ABCA1: variants seen among roughly 807,000 people sequenced by gnomAD.
ABCA1 encodes the protein phospholipid-transporting ATPase ABCA1.
Under a neutral mutation model 262.5 loss-of-function variants are expected in ABCA1, and 133 were observed. The observed-to-expected ratio is 0.51, with a 90% CI of 0.44 to 0.59. ABCA1 has a LOEUF of 0.59. Ranked by LOEUF, ABCA1 falls within the 20% of genes least tolerant of loss-of-function variation. The pLI, the probability that ABCA1 is intolerant of heterozygous loss-of-function variation, is 0.00. For missense variants in ABCA1, 2,452 were observed against 2,777.5 expected (o/e 0.88, Z 2.63); for synonymous variants, 1,022 against 1,043.5 (o/e 0.98, Z 0.40).
chr9:104,838,341 G>A (rs1478197926), intron 9 of ABCA1, among the ~76,000 whole-genome samples: 3 of 150,726 alleles, frequency 2.0e-5, no homozygotes, highest in Non-Finnish European at 4.4e-5. Flanking sequence ...AGGGCGCAGT[G>A]GTTCACGCCT....
intron 7 of ABCA1, among the ~76,000 whole-genome samples, chr9:104,848,271 G>A (rs1835067837): frequency 6.6e-6 from 1 of 152,158 alleles, no homozygotes; most frequent in African/African-American, 2.4e-5. Flanking sequence ...CACTAACACT[G>A]TGAGGTTTGG....
intron 43 of ABCA1, among the ~76,000 whole-genome samples, chr9:104,791,574 G>A (rs770542754): frequency 3.3e-5 from 5 of 152,104 alleles, no homozygotes; most frequent in Non-Finnish European, 5.9e-5. Context: ...CTACAGGAAT[G>A]CACTACTATG....
At chr9:104,913,998 G>A (rs372681027) in intron 1 of ABCA1, among the ~76,000 whole-genome samples, 22 of 151,412 alleles carry the variant, frequency 1.5e-4, no homozygotes, top group Non-Finnish European at 2.2e-4. Context: ...ACGGGGTTTC[G>A]CCGTGTTAGC....
chr9:104,784,934 A>G (rs10820732), intron 49 of ABCA1, among the ~76,000 whole-genome samples: 35,001 of 151,908 alleles, frequency 0.23, 4,220 homozygotes, highest in South Asian at 0.32. Context: ...ATGAGCCACC[A>G]CGCCCGGCCA....
At position 104,790,912 on chromosome 9, in the gene ABCA1, C is replaced by T. The variant is rs747058089; in HGVS notation, c.5927+10G>A. ...CTTTGCAGCAAAATACAAGCCACTT[C>T]TTTTCTCACCTATTTTTGTTAAGGA... On this transcript the variant is annotated intron_variant, in intron 44 of 49. Transcript: ENST00000374736. 1 of 1,579,498 alleles carries T rather than the reference C, an allele frequency of 6.3e-7. No individual in the cohort carries two copies. The highest frequency in any genetic ancestry group is 8.7e-7 in the Non-Finnish European group (1 of 1,148,642).
At chr9:104,926,963 G>C (rs1342810225) in intron 1 of ABCA1, among the ~76,000 whole-genome samples, 1 of 151,914 alleles carries the variant, frequency 6.6e-6, no homozygotes, top group Non-Finnish European at 1.5e-5. Context: ...TATAATCCCA[G>C]CACTTGGGGA....
intron 1 of ABCA1, among the ~76,000 whole-genome samples, chr9:104,914,053 C>G (rs906210781): frequency 6.6e-6 from 1 of 151,880 alleles, no homozygotes; most frequent in African/African-American, 2.4e-5. Context: ...CCCGCCTCAG[C>G]CTCCCAAAGT....
At chr9:104,819,193 G>A (rs148406090) in intron 22 of ABCA1, among the ~76,000 whole-genome samples, 2 of 152,068 alleles carry the variant, frequency 1.3e-5, no homozygotes, top group Admixed American at 6.5e-5. Context: ...TATTATTATC[G>A]GCAAAGAAGG....
At chr9:104,915,327 A>C (rs1240462907) in intron 1 of ABCA1, among the ~76,000 whole-genome samples, 1 of 152,194 alleles carries the variant, frequency 6.6e-6, no homozygotes, top group Non-Finnish European at 1.5e-5. Context: ...CAATTTAATC[A>C]AAGTTCCAGG....
chr9:104,922,879 G>A (rs1842219099), intron 1 of ABCA1, among the ~76,000 whole-genome samples: 1 of 152,002 alleles, frequency 6.6e-6, no homozygotes. Context: ...ACCACGCCCA[G>A]CTAATTTTTG....
chr9:104,810,212 T>G (rs1370674400), intron 29 of ABCA1, among the ~76,000 whole-genome samples: 1 of 149,580 alleles, frequency 6.7e-6, no homozygotes, highest in Non-Finnish European at 1.5e-5. Flanking sequence ...ACTGACACAG[T>G]TCCCCCATCT....
chr9:104,839,978 T>C (rs1345488377), intron 9 of ABCA1, among the ~76,000 whole-genome samples: 5 of 152,260 alleles, frequency 3.3e-5, no homozygotes, highest in African/African-American at 9.6e-5. Context: ...TATCTCATTC[T>C]TGATCACCCT....
At chr9:104,894,133 C>T (rs1840005289) in intron 2 of ABCA1, among the ~76,000 whole-genome samples, 1 of 152,156 alleles carries the variant, frequency 6.6e-6, no homozygotes, top group Admixed American at 6.6e-5. Flanking sequence ...ATGCTGCCAT[C>T]ACAAAGCTAT....
At chr9:104,791,324 A>AT (rs1182933455) in intron 43 of ABCA1, among the ~76,000 whole-genome samples, 1 of 152,248 alleles carries the variant, frequency 6.6e-6, no homozygotes, top group African/African-American at 2.4e-5. Flanking sequence ...GCAAAAGGGC[A>AT]TAAAAGAACA....
rs3029584 is a variant in ABCA1 at position 104,837,131 on chromosome 9, AAGG to A, written c.1195-38_1195-36del. 170,618 of 1,528,244 alleles carry A rather than the reference AAGG, an allele frequency of 0.11. 10,813 individuals carry two copies. Among genetic ancestry groups the A allele is most frequent in the African/African-American group, 0.23 (16,218 of 71,672 alleles). The allele number at this position is 1,528,244 out of a possible 1,614,324, so 94.7% of individuals were successfully genotyped here. On this transcript the variant is annotated intron_variant, in intron 10 of 49. Coordinates refer to ENST00000374736, the MANE Select transcript of ABCA1 (RefSeq NM_005502.4). ...GGTGGGGAGCCAGGGACCGCAGAAA[AAGG>A]AGGAGAAGCACAGACAATGAGCGTT...
intron 1 of ABCA1, among the ~76,000 whole-genome samples, chr9:104,924,176 G>T (rs1410299837): frequency 6.6e-6 from 1 of 152,198 alleles, no homozygotes; most frequent in Non-Finnish European, 1.5e-5. Context: ...TACGAAGATG[G>T]TTGCATTTTT....
At chr9:104,855,057 G>A (rs1440342457) in intron 7 of ABCA1, 5 of 690,526 alleles carry the variant, frequency 7.2e-6, no homozygotes, top group African/African-American at 4.0e-5. Flanking sequence ...CACAAGGTAC[G>A]GACTGAGACA....
Position 104,784,012 on chromosome 9 carries a change from G to A in ABCA1, c.*303C>T, listed in dbSNP as rs530474404. 1.2e-4 allele frequency: 31 copies of A among 255,554 alleles called. No individual in the cohort carries two copies. Among genetic ancestry groups the A allele is most frequent in the Non-Finnish European group, 1.6e-4 (21 of 132,150 alleles). 15.8% of individuals were successfully genotyped at this position (255,554 alleles called of 1,614,324 possible). ...CAGGAACAAAAAAAAAAAAAAAAGT[G>A]TGAGTTCAAACCCATATGTCCATTG... On this transcript the variant is annotated 3_prime_UTR_variant, in exon 50 of 50. Transcript: ENST00000374736.
intron 2 of ABCA1, among the ~76,000 whole-genome samples, chr9:104,898,881 G>T (rs1328172453): frequency 2.0e-5 from 3 of 152,128 alleles, no homozygotes; most frequent in African/African-American, 7.2e-5. Flanking sequence ...ACACCTGCTA[G>T]TATCTAACAC....
Sources: gnomAD v4.1 joint callset for allele counts (sites outside exome capture counted in the v4.1 genomes callset) on GRCh38, gnomAD v4.1.1 for gene constraint, MANE v1.5 for transcripts, NCBI Gene and HGNC (gene_info 2026-07-23, HGNC 2026-07-21) for gene names.